The following FSTL5 variants were observed in gnomAD, a reference collection of about 807,000 sequenced individuals.
FSTL5 encodes follistatin-related protein 5.
Under a neutral mutation model 89.1 loss-of-function variants are expected in FSTL5, and 62 were observed. The observed-to-expected ratio is 0.70, with a 90% CI of 0.57 to 0.86. The LOEUF is 0.86. FSTL5 is among the 40% of genes least tolerant of loss of function. The pLI is 0.00. For missense variants in FSTL5, 1,057 were observed against 1,001.6 expected, an observed-to-expected ratio of 1.06 and a Z score of -0.75; for synonymous variants, 383 against 346.2, an observed-to-expected ratio of 1.11 and a Z score of -1.18.
chr4:162,077,880 C>T (rs890146034), intron 2 of FSTL5, among the ~76,000 whole-genome samples: 7 of 151,734 alleles, frequency 4.6e-5, no homozygotes, highest in Non-Finnish European at 7.4e-5. Flanking sequence ...AAACAAAGCA[C>T]TCAAGTTGAT....
intron 2 of FSTL5, among the ~76,000 whole-genome samples, chr4:162,096,290 G>A (rs1023278383): frequency 1.3e-5 from 2 of 151,762 alleles, no homozygotes; most frequent in Admixed American, 1.3e-4. Flanking sequence ...AAATCACTAG[G>A]TTGTTGCAGC....
intron 15 of FSTL5, among the ~76,000 whole-genome samples, chr4:161,451,918 C>T (rs577149714): frequency 2.6e-5 from 4 of 152,100 alleles, no homozygotes; most frequent in South Asian, 2.1e-4. Context: ...AAGCCTGACA[C>T]GTGTCAAGAA....
At chr4:162,101,524 T>C (rs940732578) in intron 2 of FSTL5, among the ~76,000 whole-genome samples, 5 of 152,226 alleles carry the variant, frequency 3.3e-5, no homozygotes, top group Non-Finnish European at 7.3e-5. Context: ...GAAAAGTTTG[T>C]GGCTGTGTCA....
intron 6 of FSTL5, among the ~76,000 whole-genome samples, chr4:161,679,880 A>G (rs1273389092): frequency 6.6e-6 from 1 of 151,822 alleles, no homozygotes; most frequent in East Asian, 1.9e-4. Flanking sequence ...AAAGTACAAA[A>G]CAATATTAAA....
At chr4:162,055,864 A>G (rs1738526221) in intron 2 of FSTL5, among the ~76,000 whole-genome samples, 1 of 151,924 alleles carries the variant, frequency 6.6e-6, no homozygotes, top group South Asian at 2.1e-4. Flanking sequence ...TAAATTATAT[A>G]ATAAATGGCA....
intron 15 of FSTL5, among the ~76,000 whole-genome samples, chr4:161,450,296 C>A (rs1046893898): frequency 6.6e-5 from 10 of 152,152 alleles, no homozygotes; most frequent in African/African-American, 2.2e-4. Context: ...TCTAGTTGCA[C>A]CTGCACAGCA....
intron 4 of FSTL5, among the ~76,000 whole-genome samples, chr4:161,865,028 G>A (rs963762403): frequency 4.6e-5 from 7 of 152,044 alleles, no homozygotes; most frequent in African/African-American, 1.7e-4. Context: ...GATACGCAGA[G>A]TTACATAGAA....
intron 1 of FSTL5, among the ~76,000 whole-genome samples, chr4:162,117,668 A>G (rs75657786): frequency 0.048 from 7,316 of 152,276 alleles, 370 homozygotes; most frequent in East Asian, 0.27. Flanking sequence ...TATTCAAATG[A>G]AATGACTGGA....
At chr4:161,907,854 T>A (rs1469587290) in intron 4 of FSTL5, among the ~76,000 whole-genome samples, 15 of 152,100 alleles carry the variant, frequency 9.9e-5, no homozygotes, top group Admixed American at 9.8e-4. Flanking sequence ...ACATCTATGC[T>A]GTTGTTTTCT....
At chr4:161,995,391 T>C (rs1337032074) in intron 3 of FSTL5, among the ~76,000 whole-genome samples, 1 of 152,108 alleles carries the variant, frequency 6.6e-6, no homozygotes, top group Non-Finnish European at 1.5e-5. Context: ...GAATCAGAAT[T>C]CCAAACCAGA....
chr4:161,542,622 G>A lies in FSTL5; in HGVS notation c.1087C>T (p.His363Tyr), dbSNP rs774765247. The A allele has an allele frequency of 6.4e-7, 1 of 1,568,006 alleles. No individual in the cohort carries two copies. The highest frequency in any genetic ancestry group is 1.8e-5 in the Admixed American group (1 of 56,100). ...TGAGGCTTTGGTATGCCCTCTGCATGGCACCTAAGACTGGCAGTTACCCCA... is the reference window on the plus strand; with the variant it reads ...TGAGGCTTTGGTATGCCCTCTGCATAGCACCTAAGACTGGCAGTTACCCCA... ...EPGVTASLRCHAEGIPKPQLG... is the reference protein window; with the variant it reads ...EPGVTASLRCYAEGIPKPQLG... Residue 363 changes from histidine (H) to tyrosine (Y), a missense_variant, in exon 9 of 16, where the codon CAT becomes TAT. By Grantham distance (83) the His-to-Tyr change is moderately conservative. Around this residue, in one of 3 missense-constraint regions of FSTL5, gnomAD observed 980 missense variants for 903.2 expected, o/e 1.08. Transcript: ENST00000306100.
At chr4:162,096,436 A>T (rs1316233022) in intron 2 of FSTL5, among the ~76,000 whole-genome samples, 1 of 151,662 alleles carries the variant, frequency 6.6e-6, no homozygotes, top group Admixed American at 6.6e-5. Flanking sequence ...TATAATCAGA[A>T]ATGCTTTAAG....
chr4:162,041,815 T>G (rs913203989), intron 2 of FSTL5: 3 of 152,130 alleles, frequency 2.0e-5, no homozygotes, highest in Non-Finnish European at 4.4e-5. Flanking sequence ...TATTTTTATT[T>G]TATTGCATAC....
At chr4:161,978,271 C>G (rs1735720605) in intron 3 of FSTL5, among the ~76,000 whole-genome samples, 1 of 151,996 alleles carries the variant, frequency 6.6e-6, no homozygotes, top group Admixed American at 6.6e-5. Flanking sequence ...ATCTTGTGAA[C>G]TAATTGATTA....
intron 8 of FSTL5, among the ~76,000 whole-genome samples, chr4:161,562,012 G>A (rs544960724): frequency 2.6e-5 from 4 of 151,972 alleles, no homozygotes; most frequent in African/African-American, 9.7e-5. Flanking sequence ...TGTCCAATGA[G>A]AGCCAGAATC....
intron 1 of FSTL5, among the ~76,000 whole-genome samples, chr4:162,117,888 TAGTA>T (rs1286706092): frequency 6.7e-6 from 1 of 148,174 alleles, no homozygotes; most frequent in Admixed American, 6.6e-5. Context: ...TAATTTGAAA[TAGTA>T]GGTACACATT....
At chr4:161,956,424 T>C (rs998693700) in intron 3 of FSTL5, among the ~76,000 whole-genome samples, 1 of 151,958 alleles carries the variant, frequency 6.6e-6, no homozygotes, top group African/African-American at 2.4e-5. Flanking sequence ...ATGAAAGTCT[T>C]ATCCAAAGCC....
chr4:161,459,194 A>G lies in FSTL5; in HGVS notation c.1716+18T>C. On this transcript the variant is annotated intron_variant, in intron 14 of 15. Coordinates refer to ENST00000306100, the MANE Select transcript of FSTL5 (RefSeq NM_020116.5). Reference sequence around the variant, plus strand: ...TTTAAAGATTGTTATTTTCTCTAATATACTGAAATGTACTTACCTGTAGTG... The same window carrying G: ...TTTAAAGATTGTTATTTTCTCTAATGTACTGAAATGTACTTACCTGTAGTG... 4.6e-6 allele frequency: 6 copies of G among 1,305,338 alleles called. No individual in the cohort carries two copies. The highest frequency in any genetic ancestry group is 6.7e-6 in the Non-Finnish European group (6 of 899,622). The allele number at this position is 1,305,338 out of a possible 1,614,324, so 80.9% of individuals were successfully genotyped here. A position where few individuals can be genotyped will look rare whatever the true frequency, so the allele number is the denominator to read the frequency against.
At position 161,510,404 on chromosome 4, in the gene FSTL5, C is replaced by A; in HGVS notation, c.1333G>T (p.Glu445Ter). ...RKTLANILWR[E>*]EGLGIGNMFY... ...AAATAATTCAACTTAGTACCTTCTT[C>A]TCTCCATAATATGTTAGCTACTGCA... is the stretch of plus-strand genomic sequence containing the variant. The change falls in exon 11 of 16, where the codon GAA (glutamate) becomes TAA (stop). Residue 445 changes from glutamate to a stop codon, truncating the protein, a stop_gained. Transcript: ENST00000306100. LOFTEE classifies it high-confidence loss of function. The A allele has an allele frequency of 6.5e-7, 1 of 1,534,708 alleles. No homozygotes were observed. The highest frequency in any genetic ancestry group is 2.4e-5 in the East Asian group (1 of 42,274).
Sources: allele counts gnomAD v4.1 joint callset (sites outside exome capture counted in the v4.1 genomes callset), GRCh38; gene constraint gnomAD v4.1.1; regional missense constraint gnomAD v4.1.1; transcripts MANE v1.5; gene names NCBI Gene and HGNC (gene_info 2026-07-23, HGNC 2026-07-21).